The following DHRSX variants were observed in gnomAD, a reference collection of about 807,000 sequenced individuals.
The protein encoded by DHRSX is polyprenol dehydrogenase.
Under a neutral mutation model 34.0 loss-of-function variants are expected in DHRSX, and 31 were observed. The ratio of observed to expected loss-of-function variants is 0.91; its 90% CI spans 0.69 to 1.23. DHRSX has a LOEUF of 1.23. Ranked by LOEUF, DHRSX falls within the 50% of genes most tolerant of loss-of-function variation. The probability of loss-of-function intolerance (pLI) is 0.00; values close to 1 mark genes in which losing one functional copy is unlikely to be tolerated. For missense variants in DHRSX, 414 were observed against 428.1 expected (o/e 0.97, Z 0.29); for synonymous variants, 201 against 183.8 (o/e 1.09, Z -0.76).
intron 1 of DHRSX, among the ~76,000 whole-genome samples, chrX:2,459,740 A>C (rs190842430): frequency 6.6e-6 from 1 of 152,102 alleles, no homozygotes; most frequent in East Asian, 1.9e-4. Flanking sequence ...CTCTTAATTC[A>C]ATACAGTTTA....
At chrX:2,303,797 GTGGGT>G (rs2042047425) in intron 3 of DHRSX, among the ~76,000 whole-genome samples, 1 of 26,654 alleles carries the variant, frequency 3.8e-5, no homozygotes. Context: ...GGATGGGTGG[GTGGGT>G]GGGTGGATGG....
chrX:2,259,375 G>GATATATAGATATAGATATATATAGAT (rs1556439577), intron 5 of DHRSX, among the ~76,000 whole-genome samples: 1 of 133,830 alleles, frequency 7.5e-6, no homozygotes, highest in South Asian at 2.2e-4. Context: ...GATATATATA[G>GATATATAGATATAGATATATATAGAT]ATATATATAT....
intron 1 of DHRSX, among the ~76,000 whole-genome samples, chrX:2,440,655 G>C (rs141897596): frequency 6.6e-6 from 1 of 151,552 alleles, no homozygotes; most frequent in African/African-American, 2.4e-5. Context: ...AAGACCCCAG[G>C]GTCTTTGGGT....
chrX:2,269,238 T>C (rs1346596429), intron 4 of DHRSX, among the ~76,000 whole-genome samples: 1 of 152,272 alleles, frequency 6.6e-6, no homozygotes, highest in African/African-American at 2.4e-5. Flanking sequence ...TTTGTATATA[T>C]GCTTGTATTA....
At chrX:2,357,259 A>AC (rs2042867051) in intron 3 of DHRSX, among the ~76,000 whole-genome samples, 1 of 152,112 alleles carries the variant, frequency 6.6e-6, no homozygotes, top group Non-Finnish European at 1.5e-5. Context: ...AAGAAAAAAA[A>AC]AGTTACACAT....
Position 2,489,104 on chromosome X carries a change from G to A in DHRSX, c.109+11713C>T, listed in dbSNP as rs748111845. 24 of 1,613,582 alleles carry A rather than the reference G, an allele frequency of 1.5e-5. 2 individuals carry two copies. The highest frequency in any genetic ancestry group is 4.4e-5 in the South Asian group (4 of 91,064). On this transcript the variant is annotated intron_variant, in intron 1 of 6. Coordinates refer to ENST00000334651, the MANE Select transcript of DHRSX (RefSeq NM_145177.3). ...CATGTTGTTGATGACGCTGGCGGGC[G>A]GCGGCGTGGATGTCCGCATGAGCTT...
intron 1 of DHRSX, among the ~76,000 whole-genome samples, chrX:2,445,622 G>T (rs181533128): frequency 1.1e-4 from 16 of 151,272 alleles, no homozygotes; most frequent in Admixed American, 1.1e-3. Context: ...CAAGGAAGAG[G>T]TTCCCTAAGA....
At chrX:2,369,489 T>TG (rs2043032093) in intron 3 of DHRSX, among the ~76,000 whole-genome samples, 1 of 47,262 alleles carries the variant, frequency 2.1e-5, no homozygotes, top group Admixed American at 1.7e-4. Flanking sequence ...TTAGTTTTTG[T>TG]TTTTTTTTGT....
chrX:2,353,584 ATT>A (rs774278281), intron 3 of DHRSX, among the ~76,000 whole-genome samples: 4 of 136,092 alleles, frequency 2.9e-5, no homozygotes, highest in Non-Finnish European at 4.7e-5. Flanking sequence ...AGCTGATTGC[ATT>A]TTTTTTTTTT....
chrX:2,229,291 G>T (rs1396201160), intron 6 of DHRSX, among the ~76,000 whole-genome samples: 3 of 152,078 alleles, frequency 2.0e-5, no homozygotes, highest in Non-Finnish European at 4.4e-5. Context: ...GAGTAATGCT[G>T]TGGTCAAAGA....
At chrX:2,351,806 A>T (rs1287449902) in intron 3 of DHRSX, among the ~76,000 whole-genome samples, 1 of 151,928 alleles carries the variant, frequency 6.6e-6, no homozygotes. Flanking sequence ...TGCAACCTCC[A>T]CCTCCTCGAT....
intron 4 of DHRSX, among the ~76,000 whole-genome samples, chrX:2,271,210 C>T (rs1429051515): frequency 6.6e-6 from 1 of 152,236 alleles, no homozygotes; most frequent in East Asian, 1.9e-4. Flanking sequence ...GGAAAAAACT[C>T]CAGGCACATC....
At chrX:2,368,885 T>A (rs1251236689) in intron 3 of DHRSX, among the ~76,000 whole-genome samples, 1 of 151,986 alleles carries the variant, frequency 6.6e-6, no homozygotes, top group Non-Finnish European at 1.5e-5. Context: ...GAGCTTGCAG[T>A]GAGCCGAGAT....
intron 4 of DHRSX, among the ~76,000 whole-genome samples, chrX:2,271,163 C>A (rs1037565479): frequency 1.3e-5 from 2 of 152,350 alleles, no homozygotes; most frequent in East Asian, 3.9e-4. Context: ...TCCGCAGCTT[C>A]ACTCCTGAAG....
chrX:2,303,845 A>G (rs1360014286), intron 3 of DHRSX, among the ~76,000 whole-genome samples: 4 of 93,650 alleles, frequency 4.3e-5, no homozygotes, highest in East Asian at 6.7e-4. Flanking sequence ...GGATGGATGG[A>G]TGGATGGGTG....
intron 5 of DHRSX, among the ~76,000 whole-genome samples, chrX:2,243,516 C>T (rs1202075298): frequency 6.6e-6 from 1 of 151,714 alleles, no homozygotes; most frequent in Non-Finnish European, 1.5e-5. Context: ...GACAGAGTCC[C>T]CCCTCTGTCG....
At position 2,220,740 on chromosome X, in the gene DHRSX, G is replaced by A. The variant is rs756704462; in HGVS notation, c.*301C>T. On this transcript the variant is annotated 3_prime_UTR_variant, in exon 7 of 7. Transcript: ENST00000334651. ...AACTTTTGTACTCAGTTGTATTAAC[G>A]CGGCAAGGAAAATGGCACATTTATG... The A allele has an allele frequency of 2.5e-5, 10 of 396,982 alleles. No individual in the cohort carries two copies. Among genetic ancestry groups the A allele is most frequent in the African/African-American group, 5.9e-5 (3 of 50,538 alleles). 24.6% of individuals were successfully genotyped at this position (396,982 alleles called of 1,614,324 possible).
At position 2,243,785 on chromosome X, in the gene DHRSX, CCTGTTTTTTTTTTTTTTTT is replaced by C. The variant is rs1370152761; in HGVS notation, c.597-574_597-556del. ...ATTACAGGCAGGAGCCACTATGCTCCCTGTTTTTTTTTTTTTTTTTTTTTTTTTTTTTTTTTTGAGACAG... is the reference window on the plus strand; with the variant it reads ...ATTACAGGCAGGAGCCACTATGCTCCTTTTTTTTTTTTTTTTTTGAGACAG... On this transcript the variant is annotated intron_variant, in intron 5 of 6. Coordinates refer to ENST00000334651, the MANE Select transcript of DHRSX (RefSeq NM_145177.3). Among the ~76,000 whole-genome samples the C allele has an allele frequency of 2.0e-3, 142 of 71,544 alleles. 1 individual carries two copies. The East Asian group carries it at 0.036, about 18-fold the overall frequency. 46.9% of individuals were successfully genotyped at this position (71,544 alleles called of 152,430 possible). A position where few individuals can be genotyped will look rare whatever the true frequency, so the allele number is the denominator to read the frequency against.
chrX:2,483,767 A>AG (rs2044810868), intron 1 of DHRSX, among the ~76,000 whole-genome samples: 1 of 146,850 alleles, frequency 6.8e-6, no homozygotes. Flanking sequence ...TGGTGCCTCG[A>AG]GAAAAAAAAG....
Sources: allele counts gnomAD v4.1 joint callset (sites outside exome capture counted in the v4.1 genomes callset), GRCh38; gene constraint gnomAD v4.1.1; transcripts MANE v1.5; gene names NCBI Gene and HGNC (gene_info 2026-07-23, HGNC 2026-07-21).